NFIB: variants seen among roughly 807,000 people sequenced by gnomAD.
NFIB encodes the protein nuclear factor I B.
Under a neutral mutation model 61.5 loss-of-function variants are expected in NFIB, and 11 were observed. The ratio of observed to expected loss-of-function variants is 0.18; its 90% confidence interval spans 0.11 to 0.30. The LOEUF (loss-of-function observed/expected upper bound fraction) is 0.30. Among genes scored for constraint, NFIB ranks in the 10% least tolerant of loss-of-function variants. The pLI is 1.00. For synonymous variants in NFIB, 260 were observed against 216.5 expected, an observed-to-expected ratio of 1.20 and a Z score of -1.76; for missense variants, 471 against 608.9, an observed-to-expected ratio of 0.77 and a Z score of 2.38.
the NFIB span, among the ~76,000 whole-genome samples, chr9:14,442,733 C>G: frequency 3.3e-5 from 5 of 152,128 alleles, no homozygotes; most frequent in Non-Finnish European, 7.4e-5. Flanking sequence ...ACTTGATTAT[C>G]TCTGTAAAGA....
rs111419275 is a variant in NFIB, at chr9:14,285,643, T to A, written c.562+21346A>T. The stretch of plus-strand genomic sequence containing the variant: ...ACTAGCTTGCCCTCAGAGTTCTCAT[T>A]TGTGAAAGGGCAGTAAAGTATCTAC... On this transcript the variant is annotated intron_variant, in intron 2 of 10. Coordinates refer to ENST00000380953, the MANE Select transcript of NFIB (RefSeq NM_001190737.2). Among the ~76,000 whole-genome samples the A allele has an allele frequency of 7.1e-3, 1,085 of 152,252 alleles. 15 individuals carry two copies. The highest frequency in any genetic ancestry group is 0.024 in the African/African-American group (999 of 41,550).
chr9:14,264,026 A>G (rs562166290), intron 2 of NFIB, among the ~76,000 whole-genome samples: 37 of 152,322 alleles, frequency 2.4e-4, no homozygotes, highest in African/African-American at 8.9e-4. Context: ...AAATATAATA[A>G]AAGGATTAGA....
chr9:14,125,577 G>C, intron 7 of NFIB, 55 bp downstream of exon 7: 1 of 1,606,122 alleles, frequency 6.2e-7, no homozygotes, highest in Non-Finnish European at 8.5e-7. Context: ...TCCCTAAGGG[G>C]GTTAGGCCCT....
At chr9:14,477,393 A>G in the NFIB span, among the ~76,000 whole-genome samples, 1 of 152,244 alleles carries the variant, frequency 6.6e-6, no homozygotes, top group African/African-American at 2.4e-5. Context: ...GTATATCTAA[A>G]TAACAAAATG....
intron 10 of NFIB, among the ~76,000 whole-genome samples, chr9:14,088,665 G>T (rs1020829416): frequency 6.6e-6 from 1 of 151,172 alleles, no homozygotes; most frequent in African/African-American, 2.4e-5. Flanking sequence ...TTTTGTACAG[G>T]AAAAAAAAGA....
the NFIB span, among the ~76,000 whole-genome samples, chr9:14,475,080 A>C: frequency 6.6e-6 from 1 of 152,244 alleles, no homozygotes; most frequent in Non-Finnish European, 1.5e-5. Context: ...CTTACCAGCT[A>C]TCTGGGTATC....
chr9:14,400,132 T>G (rs943165058), upstream of NFIB, among the ~76,000 whole-genome samples: 5 of 152,114 alleles, frequency 3.3e-5, no homozygotes, highest in Non-Finnish European at 5.9e-5. Context: ...AGCAGCAGAA[T>G]GCATTCTCAA....
intron 2 of NFIB, among the ~76,000 whole-genome samples, chr9:14,245,133 G>A (rs1032788291): frequency 6.6e-6 from 1 of 152,016 alleles, no homozygotes; most frequent in South Asian, 2.1e-4. Context: ...ATCAACACTT[G>A]GGTCATGCCT....
At chr9:14,498,757 A>T in the NFIB span, among the ~76,000 whole-genome samples, 2 of 147,974 alleles carry the variant, frequency 1.4e-5, no homozygotes, top group Non-Finnish European at 3.0e-5. Flanking sequence ...CAACGGAAAC[A>T]CTCATGGCCC....
chr9:14,369,521 C>A (rs997104707), intron 1 of NFIB, among the ~76,000 whole-genome samples: 1 of 151,896 alleles, frequency 6.6e-6, no homozygotes, highest in African/African-American at 2.4e-5. Context: ...TCAGAAGGTG[C>A]TTCAGCTTTA....
the NFIB span, among the ~76,000 whole-genome samples, chr9:14,477,299 G>A: frequency 3.3e-5 from 5 of 152,250 alleles, no homozygotes; most frequent in African/African-American, 9.6e-5. Context: ...TAATAAAGTA[G>A]TATATATAAA....
At chr9:14,470,603 G>T in the NFIB span, among the ~76,000 whole-genome samples, 21 of 152,152 alleles carry the variant, frequency 1.4e-4, no homozygotes, top group African/African-American at 5.1e-4. Context: ...GGCAGCAGGG[G>T]CTTGGGATAG....
chr9:14,402,296 G>A (rs7030092), upstream of NFIB, among the ~76,000 whole-genome samples: 9,816 of 152,224 alleles, frequency 0.064, 336 homozygotes, highest in Non-Finnish European at 0.077. Flanking sequence ...TAGCTTTAAG[G>A]AGAAAATTAT....
At chr9:14,308,590 C>G (rs1433644979) in intron 1 of NFIB, among the ~76,000 whole-genome samples, 4 of 152,168 alleles carry the variant, frequency 2.6e-5, no homozygotes, top group Non-Finnish European at 4.4e-5. Flanking sequence ...TGTGTCTCTG[C>G]ATGCTGTGGT....
intron 2 of NFIB, among the ~76,000 whole-genome samples, chr9:14,267,795 T>G (rs2057318214): frequency 6.6e-6 from 1 of 152,198 alleles, no homozygotes; most frequent in Non-Finnish European, 1.5e-5. Flanking sequence ...CATTTAAAAC[T>G]TTACAACCTT....
chr9:14,126,384 G>T (rs2039645277), intron 6 of NFIB, among the ~76,000 whole-genome samples: 1 of 152,222 alleles, frequency 6.6e-6, no homozygotes, highest in African/African-American at 2.4e-5. Context: ...GAAGAAAATG[G>T]TTGTGAATGG....
chr9:14,205,439 T>G (rs2049578270), intron 2 of NFIB, among the ~76,000 whole-genome samples: 1 of 151,842 alleles, frequency 6.6e-6, no homozygotes, highest in Non-Finnish European at 1.5e-5. Context: ...ATAAGTACGA[T>G]ATATACACAA....
chr9:14,289,104 G>GTGTGTGTA (rs775006898), intron 2 of NFIB, among the ~76,000 whole-genome samples: 1 of 144,306 alleles, frequency 6.9e-6, no homozygotes, highest in Non-Finnish European at 1.5e-5. Flanking sequence ...GTGTGTGTGT[G>GTGTGTGTA]TATGTGTGTG....
chr9:14,146,360 G>A lies in NFIB; in HGVS notation c.925+329C>T, dbSNP rs369681407. Among the ~76,000 whole-genome samples, 8 of 152,056 alleles carry A rather than the reference G, an allele frequency of 5.3e-5. No individual in the cohort carries two copies. The East Asian group carries it at 5.8e-4, about 11-fold the overall frequency. ...CAACGCTCCATAGAGAGGAGCAGGC[G>A]GATCTAATTGAATCACAGTTTGTGG... On this transcript the variant is annotated intron_variant, in intron 6 of 10. Coordinates refer to ENST00000380953, the MANE Select transcript of NFIB (RefSeq NM_001190737.2).
Sources: allele counts gnomAD v4.1 joint callset (sites outside exome capture counted in the v4.1 genomes callset), GRCh38; gene constraint gnomAD v4.1.1; transcripts MANE v1.5; gene names NCBI Gene and HGNC (gene_info 2026-07-23, HGNC 2026-07-21).